ARHGEF28: variants seen among roughly 807,000 people sequenced by gnomAD.
ARHGEF28 encodes the protein Rho guanine nucleotide exchange factor 28.
A neutral mutation model predicts 206.6 loss-of-function variants in ARHGEF28; 152 were observed. The ratio of observed to expected loss-of-function variants is 0.74; its 90% CI spans 0.64 to 0.84. ARHGEF28 has a LOEUF of 0.84. Ranked by LOEUF, ARHGEF28 falls within the 40% of genes least tolerant of loss-of-function variation. The pLI, the probability that ARHGEF28 is intolerant of heterozygous loss-of-function variation, is 0.00. For missense variants in ARHGEF28, 2,028 were observed against 2,073.2 expected (o/e 0.98, Z 0.42); for synonymous variants, 763 against 776.4 (o/e 0.98, Z 0.29).
At position 73,684,904 on chromosome 5, in the gene ARHGEF28, G is replaced by T; in HGVS notation, c.33+20G>T. 2 of 1,611,136 alleles carry T rather than the reference G, an allele frequency of 1.2e-6. No individual in the cohort carries two copies. Among genetic ancestry groups the T allele is most frequent in the South Asian group, 2.2e-5 (2 of 90,322 alleles). Reference sequence around the variant, plus strand: ...CTTTACGTAAGTTGCTAAGCACGGGGCTTCAGGTCCAAGGGGCCCTTTCTT... The same window carrying T: ...CTTTACGTAAGTTGCTAAGCACGGGTCTTCAGGTCCAAGGGGCCCTTTCTT... On this transcript the variant is annotated intron_variant, in intron 2 of 35. Transcript: ENST00000513042.
chr5:73,752,978 T>G lies in ARHGEF28; in HGVS notation c.251T>G (p.Met84Arg), dbSNP rs1024748915. 2 of 1,613,738 alleles carry G rather than the reference T, an allele frequency of 1.2e-6. No homozygotes were observed. The highest frequency in any genetic ancestry group is 1.3e-5 in the African/African-American group (1 of 74,936). Reference protein sequence around the residue: ...LCSEGYSPVTMGSGSVTYVDN... With the variant: ...LCSEGYSPVTRGSGSVTYVDN... ...TCGGAAGGTTACTCTCCGGTGACCATGGGCTCTGGCTCAGTGACCTACGTG... is the reference window on the plus strand; with the variant it reads ...TCGGAAGGTTACTCTCCGGTGACCAGGGGCTCTGGCTCAGTGACCTACGTG... Residue 84 changes from methionine to arginine, a missense_variant, in exon 4 of 36, where the codon ATG becomes AGG. Met to Arg is a moderately conservative substitution (Grantham distance 91). Coordinates refer to ENST00000513042, the MANE Select transcript of ARHGEF28 (RefSeq NM_001177693.2).
rs547506814 is a variant in ARHGEF28 at position 73,862,253 on chromosome 5, A to G, written c.2048-2564A>G. 5.3e-5 allele frequency among the ~76,000 whole-genome samples: 8 copies of G among 152,336 alleles called. No homozygotes were observed. In the South Asian group the frequency reaches 1.7e-3, roughly 32 times the overall value. The stretch of plus-strand genomic sequence containing the variant: ...CATTGCAGATTTAACCTTAATCAAC[A>G]TAAAATTATCCTTTTAACTTCATTA... On this transcript the variant is annotated intron_variant, in intron 16 of 35. Coordinates refer to ENST00000513042, the MANE Select transcript of ARHGEF28 (RefSeq NM_001177693.2).
Position 73,858,134 on chromosome 5 carries a change from G to A in ARHGEF28, c.1962G>A (p.Gln654=). Residue 654 remains glutamine (Q), a synonymous_variant, in exon 16 of 36, where the codon CAG becomes CAA. Coordinates refer to ENST00000513042, the MANE Select transcript of ARHGEF28 (RefSeq NM_001177693.2). ...AKDKEKLNRH[Q]FAPGTFSGVL... ...ATAAAGAGAAGCTGAATCGACATCA[G>A]TTTGCCCCAGGAACATTCTCTGGGG... The A allele has an allele frequency of 3.1e-6, 5 of 1,612,178 alleles. No homozygotes were observed. The highest frequency in any genetic ancestry group is 1.7e-4 in the Middle Eastern group (1 of 6,056).
At chr5:73,680,073 A>G (rs1206792383) in intron 1 of ARHGEF28, among the ~76,000 whole-genome samples, 2 of 152,152 alleles carry the variant, frequency 1.3e-5, no homozygotes, top group Non-Finnish European at 2.9e-5. Context: ...AAAACTTCTT[A>G]TAAGAGCAGC....
chr5:73,811,417 A>G (rs1217376201), intron 9 of ARHGEF28, among the ~76,000 whole-genome samples: 1 of 152,186 alleles, frequency 6.6e-6, no homozygotes, highest in Non-Finnish European at 1.5e-5. Flanking sequence ...GTTGTCATGT[A>G]AAGGTTCTTC....
intron 9 of ARHGEF28, among the ~76,000 whole-genome samples, chr5:73,819,478 C>T (rs1220853154): frequency 6.6e-6 from 1 of 152,182 alleles, no homozygotes; most frequent in African/African-American, 2.4e-5. Flanking sequence ...AATCGGAATC[C>T]TTCCTTGGGA....
chr5:73,834,006 C>T (rs1398896419), intron 10 of ARHGEF28, among the ~76,000 whole-genome samples: 1 of 152,064 alleles, frequency 6.6e-6, no homozygotes, highest in Non-Finnish European at 1.5e-5. Flanking sequence ...GGTAATTGGA[C>T]TTGGTGTGTT....
chr5:73,796,912 T>C (rs1272596116), intron 9 of ARHGEF28, among the ~76,000 whole-genome samples: 1 of 152,210 alleles, frequency 6.6e-6, no homozygotes, highest in Non-Finnish European at 1.5e-5. Context: ...ATGTTAGCTT[T>C]GAAGAATGTT....
At chr5:73,785,294 A>G (rs576924315) in intron 7 of ARHGEF28, among the ~76,000 whole-genome samples, 2 of 152,312 alleles carry the variant, frequency 1.3e-5, no homozygotes, top group South Asian at 4.2e-4. Flanking sequence ...CTCTAAATTA[A>G]TGGATCACAC....
intron 35 of ARHGEF28, among the ~76,000 whole-genome samples, chr5:73,938,758 T>C (rs157557): frequency 0.32 from 48,259 of 152,050 alleles, 7,788 homozygotes; most frequent in East Asian, 0.44. Flanking sequence ...ACCACAGGCA[T>C]GCTTTGTCTC....
intron 22 of ARHGEF28, among the ~76,000 whole-genome samples, chr5:73,881,233 C>G (rs902953551): frequency 6.6e-6 from 1 of 152,032 alleles, no homozygotes; most frequent in East Asian, 1.9e-4. Context: ...AAGAATGAGT[C>G]CTTCCACTTT....
At chr5:73,762,419 G>A (rs1384238242) in intron 4 of ARHGEF28, among the ~76,000 whole-genome samples, 3 of 138,544 alleles carry the variant, frequency 2.2e-5, no homozygotes, top group Non-Finnish European at 4.5e-5. Flanking sequence ...TCACACCACT[G>A]CACTCCAACC....
At chr5:73,740,837 A>C (rs1202327964) in intron 2 of ARHGEF28, among the ~76,000 whole-genome samples, 1 of 152,132 alleles carries the variant, frequency 6.6e-6, no homozygotes, top group Non-Finnish European at 1.5e-5. Flanking sequence ...GGAGTTACTA[A>C]ATTTTCATCA....
At chr5:73,816,123 G>T (rs1423181026) in intron 9 of ARHGEF28, among the ~76,000 whole-genome samples, 2 of 152,026 alleles carry the variant, frequency 1.3e-5, no homozygotes, top group South Asian at 2.1e-4. Context: ...GGGGTGGGGG[G>T]TGCCAGGCAC....
chr5:73,715,723 G>A (rs980104107), intron 2 of ARHGEF28, among the ~76,000 whole-genome samples: 2 of 152,208 alleles, frequency 1.3e-5, no homozygotes, highest in Non-Finnish European at 2.9e-5. Flanking sequence ...GAAGATGCCA[G>A]GTACCTGCAG....
intron 9 of ARHGEF28, among the ~76,000 whole-genome samples, chr5:73,797,113 G>A (rs1754867348): frequency 6.6e-6 from 1 of 152,240 alleles, no homozygotes; most frequent in Non-Finnish European, 1.5e-5. Flanking sequence ...CATTAAGTCT[G>A]TGAAGGATTT....
In ARHGEF28 at chr5:73,749,871, A is replaced by G. The variant is rs772767938; in HGVS notation, c.68A>G (p.Asn23Ser). The G allele has an allele frequency of 6.2e-7, 1 of 1,614,038 alleles. No homozygotes were observed. Among genetic ancestry groups the G allele is most frequent in the Non-Finnish European group, 8.5e-7 (1 of 1,179,888 alleles). Reference protein sequence around the residue: ...QMMIYAKFDKNVYLPEDAEFY... With the variant: ...QMMIYAKFDKSVYLPEDAEFY... ...ATGATCTATGCGAAGTTTGACAAAA[A>G]TGTGTATCTTCCTGAAGATGCTGAG... is the stretch of plus-strand genomic sequence containing the variant. The change falls in exon 3 of 36, where the codon AAT (asparagine) becomes AGT (serine). Residue 23 changes from asparagine (N) to serine (S), a missense_variant. By Grantham distance (46) the Asn-to-Ser change is conservative. Transcript: ENST00000513042.
Position 73,873,116 on chromosome 5 carries a change from CCT to C in ARHGEF28, c.2685_2686del (p.Cys896PhefsTer3), listed in dbSNP as rs1321811698. 9 of 1,612,894 alleles carry C rather than the reference CCT, an allele frequency of 5.6e-6. No homozygotes were observed. Among genetic ancestry groups the C allele is most frequent in the Non-Finnish European group, 6.8e-6 (8 of 1,179,538 alleles). ...CACAGCACCGTGGATAAAATTTTCC[CCT>C]GTTTAGATGAGTTGCTTGAAATCCA... On this transcript the variant is annotated frameshift_variant, in exon 22 of 36. Transcript: ENST00000513042. LOFTEE classifies it high-confidence loss of function.
In ARHGEF28 at chr5:73,807,310, C is replaced by A. The variant is rs534778338; in HGVS notation, c.1024+11919C>A. Among the ~76,000 whole-genome samples the A allele has an allele frequency of 3.3e-5, 5 of 152,130 alleles. No individual in the cohort carries two copies. The South Asian group carries it at 1.0e-3, about 32-fold the overall frequency. On this transcript the variant is annotated intron_variant, in intron 9 of 35. Coordinates refer to ENST00000513042, the MANE Select transcript of ARHGEF28 (RefSeq NM_001177693.2). ...TGATTTATTATTCAGAACAACTGAG[C>A]AAATTTTTCCTAATTCTTTCATTTC...
Sources: gnomAD v4.1 joint callset for allele counts (sites outside exome capture counted in the v4.1 genomes callset) on GRCh38, gnomAD v4.1.1 for gene constraint, MANE v1.5 for transcripts, NCBI Gene and HGNC (gene_info 2026-07-23, HGNC 2026-07-21) for gene names.